The following RBMS2 variants were observed in gnomAD, a reference collection of about 807,000 sequenced individuals.
RBMS2 encodes RNA binding motif single stranded interacting protein 2.
Under a neutral mutation model 58.4 loss-of-function variants are expected in RBMS2, and 38 were observed. That is an observed-to-expected ratio of 0.65 (90% confidence interval 0.50 to 0.85). The LOEUF is 0.85. Ranked by LOEUF, RBMS2 falls within the 40% of genes least tolerant of loss-of-function variation. The pLI is 0.00. For synonymous variants in RBMS2, 151 were observed against 180.7 expected (o/e 0.84, Z 1.32); for missense variants, 367 against 503.7 (o/e 0.73, Z 2.60).
chr12:56,540,863 G>C (rs538691356), intron 1 of RBMS2, among the ~76,000 whole-genome samples: 6 of 152,236 alleles, frequency 3.9e-5, no homozygotes, highest in African/African-American at 1.4e-4. Context: ...CACTTTGGGA[G>C]GTCAAGGCAG....
At chr12:56,573,640 G>C (rs1385210430) in intron 5 of RBMS2, among the ~76,000 whole-genome samples, 1 of 152,034 alleles carries the variant, frequency 6.6e-6, no homozygotes. Context: ...GTTGAGCAGA[G>C]GTTCTTAACC....
intron 1 of RBMS2, among the ~76,000 whole-genome samples, chr12:56,529,355 C>T (rs530384656): frequency 6.6e-6 from 1 of 152,242 alleles, no homozygotes; most frequent in South Asian, 2.1e-4. Flanking sequence ...GAGCTCTAGA[C>T]CAGCCTGGGC....
intron 1 of RBMS2, among the ~76,000 whole-genome samples, chr12:56,544,622 T>C (rs1268219725): frequency 6.6e-6 from 1 of 152,144 alleles, no homozygotes; most frequent in Non-Finnish European, 1.5e-5. Context: ...ACAGTCTTGC[T>C]CTGTTGCCAT....
At chr12:56,583,689 T>G (rs1424614169) in intron 9 of RBMS2, among the ~76,000 whole-genome samples, 1 of 152,090 alleles carries the variant, frequency 6.6e-6, no homozygotes, top group Non-Finnish European at 1.5e-5. Flanking sequence ...CCTGTCTTGA[T>G]GAATGTAAAG....
At chr12:56,536,762 T>C (rs1416943973) in intron 1 of RBMS2, among the ~76,000 whole-genome samples, 1 of 151,670 alleles carries the variant, frequency 6.6e-6, no homozygotes, top group African/African-American at 2.4e-5. Flanking sequence ...GGAGACGGGG[T>C]TTCACCATGC....
rs73118828 is a variant in RBMS2 at position 56,546,875 on chromosome 12, C to T, written c.67-15542C>T. Among the ~76,000 whole-genome samples the T allele has an allele frequency of 7.4e-3, 1,123 of 152,280 alleles. 4 individuals are homozygous for T. The highest frequency in any genetic ancestry group is 0.012 in the Non-Finnish European group (808 of 68,026). On this transcript the variant is annotated intron_variant, in intron 1 of 13. Coordinates refer to ENST00000262031, the MANE Select transcript of RBMS2 (RefSeq NM_002898.4). ...ACATTTGAGGAACTGCCCAACTATC[C>T]TCCAAAGCAGCTGCATCGTTTTGCA...
intron 2 of RBMS2, among the ~76,000 whole-genome samples, chr12:56,565,169 A>G (rs1221204581): frequency 6.6e-6 from 1 of 152,212 alleles, no homozygotes; most frequent in Non-Finnish European, 1.5e-5. Flanking sequence ...TGTTTAGGGA[A>G]TAATGACAAG....
At position 56,588,364 on chromosome 12, in the gene RBMS2, T is replaced by C; in HGVS notation, c.1133T>C (p.Val378Ala). 4 of 1,612,478 alleles carry C rather than the reference T, an allele frequency of 2.5e-6. No homozygotes were observed. Among genetic ancestry groups the C allele is most frequent in the Non-Finnish European group, 3.4e-6 (4 of 1,178,628 alleles). Residue 378 changes from valine to alanine, a missense_variant, in exon 12 of 14, where the codon GTT (valine) becomes GCT (alanine). By Grantham distance (64) the Val-to-Ala change is moderately conservative (BLOSUM62 0). Coordinates refer to ENST00000262031, the MANE Select transcript of RBMS2 (RefSeq NM_002898.4). ...TACACCCCTGTGCCTTCTTCCAGTG[T>C]TTCAGTCGAGGTAAGGGTGTTATCA... ...SQYTPVPSSS[V>A]SVEESSGQQN...
intron 9 of RBMS2, among the ~76,000 whole-genome samples, chr12:56,585,715 G>A (rs778092164): frequency 3.9e-5 from 6 of 152,142 alleles, no homozygotes; most frequent in Non-Finnish European, 8.8e-5. Flanking sequence ...GTTTTTGTGT[G>A]GACATATGTT....
chr12:56,532,372 G>A (rs1177433947), intron 1 of RBMS2, among the ~76,000 whole-genome samples: 2 of 151,790 alleles, frequency 1.3e-5, no homozygotes, highest in African/African-American at 4.8e-5. Flanking sequence ...GTGAAACTCC[G>A]TCTCTACTAA....
At chr12:56,529,646 A>G (rs975316300) in intron 1 of RBMS2, among the ~76,000 whole-genome samples, 1 of 152,186 alleles carries the variant, frequency 6.6e-6, no homozygotes, top group Non-Finnish European at 1.5e-5. Flanking sequence ...ATACTGATAC[A>G]TGCTAAATGT....
chr12:56,573,414 T>A (rs1359206027), intron 5 of RBMS2, among the ~76,000 whole-genome samples: 1 of 136,376 alleles, frequency 7.3e-6, no homozygotes, highest in African/African-American at 2.8e-5. Context: ...GAGGCGGAGG[T>A]TGCAGTAAGC....
At chr12:56,579,727 A>T (rs968078128) in intron 5 of RBMS2, among the ~76,000 whole-genome samples, 1 of 152,266 alleles carries the variant, frequency 6.6e-6, no homozygotes, top group Non-Finnish European at 1.5e-5. Context: ...ATGGGGAAAT[A>T]GATTAAATAT....
At chr12:56,538,772 A>G (rs558021583) in intron 1 of RBMS2, among the ~76,000 whole-genome samples, 34 of 152,084 alleles carry the variant, frequency 2.2e-4, no homozygotes, top group Admixed American at 1.7e-3. Context: ...GAGCCACCGC[A>G]CCTGGCCCTG....
At chr12:56,556,100 TTGG>T (rs1489728670) in intron 1 of RBMS2, among the ~76,000 whole-genome samples, 2 of 150,536 alleles carry the variant, frequency 1.3e-5, no homozygotes, top group Non-Finnish European at 3.0e-5. Flanking sequence ...TCCCTATAAA[TTGG>T]TGGTGTAGTA....
At chr12:56,539,623 T>C in intron 1 of RBMS2, 1 of 425,232 alleles carries the variant, frequency 2.4e-6, no homozygotes, top group South Asian at 1.7e-5. Context: ...GTTTTCTTAG[T>C]TTTATTTTAT....
rs1027865329 is a variant in RBMS2, at chr12:56,592,532, A to G, written c.*3399A>G. ...TTTTTATTTTATTTTATTTTTTCAG[A>G]CAGAGTCTTGCTCTGTCGCCCAGGC... On this transcript the variant is annotated 3_prime_UTR_variant, in exon 14 of 14. Coordinates refer to ENST00000262031, the MANE Select transcript of RBMS2 (RefSeq NM_002898.4). The G allele has an allele frequency of 2.6e-5, 4 of 152,216 alleles. No individual in the cohort carries two copies. The highest frequency in any genetic ancestry group is 7.2e-5 in the African/African-American group (3 of 41,428). The allele number at this position is 152,216 out of a possible 1,614,324, so 9.4% of individuals were successfully genotyped here.
chr12:56,544,176 T>C (rs1876698994), intron 1 of RBMS2, among the ~76,000 whole-genome samples: 1 of 152,012 alleles, frequency 6.6e-6, no homozygotes, highest in Admixed American at 6.6e-5. Flanking sequence ...CTCAGGAGGC[T>C]GAGGCAGGAG....
chr12:56,532,824 C>T (rs1874016053), intron 1 of RBMS2, among the ~76,000 whole-genome samples: 1 of 152,154 alleles, frequency 6.6e-6, no homozygotes, highest in South Asian at 2.1e-4. Flanking sequence ...AGATTCATTG[C>T]CTGTAAATTA....
Sources: gnomAD v4.1 joint callset for allele counts (sites outside exome capture counted in the v4.1 genomes callset) on GRCh38, gnomAD v4.1.1 for gene constraint, MANE v1.5 for transcripts, NCBI Gene and HGNC (gene_info 2026-07-23, HGNC 2026-07-21) for gene names.